Variants in WDFY3 observed in about 807,000 individuals in gnomAD.
WDFY3 encodes the protein WD repeat and FYVE domain-containing protein 3.
WDFY3 carries 66 observed loss-of-function variants against 409.6 expected under a neutral mutation model. The ratio of observed to expected loss-of-function variants is 0.16; its 90% CI spans 0.13 to 0.20. WDFY3 has a LOEUF of 0.20. WDFY3 is among the 10% of genes least tolerant of loss of function. WDFY3 has a pLI of 1.00. For missense variants in WDFY3, 3,031 were observed against 4,298.1 expected, an observed-to-expected ratio of 0.71 and a Z score of 8.24; for synonymous variants, 1,521 against 1,537.1, an observed-to-expected ratio of 0.99 and a Z score of 0.25.
rs1330545064 is a variant in WDFY3, at chr4:84,849,737, C to A, written c.304+165G>T. The A allele has an allele frequency of 8.4e-6, 8 of 956,802 alleles. No homozygotes were observed. In the African/African-American group the frequency reaches 8.4e-5, roughly 10 times the overall value. 59.3% of individuals were successfully genotyped at this position (956,802 alleles called of 1,614,324 possible). On this transcript the variant is annotated intron_variant, in intron 5 of 67. Coordinates refer to ENST00000295888, the MANE Select transcript of WDFY3 (RefSeq NM_014991.6). The stretch of plus-strand genomic sequence containing the variant: ...CAGAACTACTGGAGAGTTGAAGATG[C>A]TGAAACCAGGAAAAGAATGTGACTC...
chr4:84,675,892 G>GA (rs1726202917), intron 67 of WDFY3, among the ~76,000 whole-genome samples: 2 of 152,004 alleles, frequency 1.3e-5, no homozygotes. Flanking sequence ...TCATATGGGG[G>GA]AAAAATAGAT....
Position 84,682,488 on chromosome 4 carries a change from C to A in WDFY3, c.9727-18G>T. The A allele has an allele frequency of 6.2e-7, 1 of 1,602,786 alleles. No homozygotes were observed. Among genetic ancestry groups the A allele is most frequent in the South Asian group, 1.1e-5 (1 of 90,048 alleles). ...CTCCAAAACTAAATTTAAATAAGTA[C>A]AAAAATTAAAAAGTTAAGAAACAGA... On this transcript the variant is annotated intron_variant, in intron 63 of 67. Transcript: ENST00000295888.
intron 56 of WDFY3, among the ~76,000 whole-genome samples, chr4:84,701,932 T>C (rs941256956): frequency 4.6e-5 from 7 of 152,218 alleles, no homozygotes; most frequent in African/African-American, 1.2e-4. Flanking sequence ...TGGGTTTCAA[T>C]AGTAATACTT....
intron 32 of WDFY3, among the ~76,000 whole-genome samples, chr4:84,758,442 C>T (rs764038645): frequency 3.9e-5 from 6 of 152,074 alleles, no homozygotes; most frequent in Middle Eastern, 3.2e-3. Flanking sequence ...GAGACAAGGT[C>T]TTGCTATGTT....
chr4:84,710,439 TA>T lies in WDFY3; in HGVS notation c.8043-1093del, dbSNP rs1732692812. ...TATTTAAGGTTTATCAGCTTTATAA[TA>T]TTGATAATTAATAATTGGTCATGGA... On this transcript the variant is annotated intron_variant, in intron 51 of 67. Transcript: ENST00000295888. Among the ~76,000 whole-genome samples, 3 of 152,336 alleles carry T rather than the reference TA, an allele frequency of 2.0e-5. No individual in the cohort carries two copies. In the South Asian group the frequency reaches 6.2e-4, roughly 32 times the overall value.
chr4:84,847,288 C>T (rs991654267), intron 5 of WDFY3, among the ~76,000 whole-genome samples: 13 of 152,160 alleles, frequency 8.5e-5, no homozygotes, highest in African/African-American at 2.9e-4. Flanking sequence ...CCCACAGCTG[C>T]AAGCTTCACA....
At position 84,829,030 on chromosome 4, in the gene WDFY3, A is replaced by G; in HGVS notation, c.930T>C (p.Tyr310=). Residue 310 remains tyrosine (Y), a synonymous_variant, in exon 9 of 68, where the codon TAT becomes TAC. Transcript: ENST00000295888. ...LLDDFRIWQG[Y]NFLCDLLLRL... ...TAAGCAAGAGATCACAAAGAAAATT[A>G]TATCCTTGCCATATCCGAAAATCAT... is the stretch of plus-strand genomic sequence containing the variant. 6.2e-7 allele frequency: 1 copy of G among 1,612,452 alleles called. No individual in the cohort carries two copies. Among genetic ancestry groups the G allele is most frequent in the African/African-American group, 1.3e-5 (1 of 74,948 alleles).
rs554842743 is a variant in WDFY3, at chr4:84,762,878, G to A, written c.5188+2932C>T. On this transcript the variant is annotated intron_variant, in intron 32 of 67. Transcript: ENST00000295888. The stretch of plus-strand genomic sequence containing the variant: ...AGGCATCTCAGCTACTCAGGAGGCT[G>A]AGATGGGAGGACTGCTTGAGCCCAG... Among the ~76,000 whole-genome samples the A allele has an allele frequency of 2.4e-4, 36 of 152,252 alleles. 1 individual carries two copies. The highest frequency in any genetic ancestry group is 1.4e-3 in the Admixed American group (21 of 15,288).
At chr4:84,928,476 A>G (rs2150934591) in intron 2 of WDFY3, among the ~76,000 whole-genome samples, 1 of 152,236 alleles carries the variant, frequency 6.6e-6, no homozygotes, top group African/African-American at 2.4e-5. Context: ...TATATATTCA[A>G]TCGATAGCCT....
chr4:84,834,704 ACT>A (rs948634208), intron 7 of WDFY3, among the ~76,000 whole-genome samples: 36 of 152,194 alleles, frequency 2.4e-4, no homozygotes, highest in African/African-American at 8.7e-4. Context: ...ATTTGTAAGA[ACT>A]CTGTTACAAA....
chr4:84,881,272 T>C (rs1030101995), intron 3 of WDFY3, among the ~76,000 whole-genome samples: 1 of 152,286 alleles, frequency 6.6e-6, no homozygotes, highest in Non-Finnish European at 1.5e-5. Context: ...TTGTGGTTAT[T>C]TGATAGCAAA....
chr4:84,947,235 G>A (rs1379566234), intron 1 of WDFY3, among the ~76,000 whole-genome samples: 2 of 151,534 alleles, frequency 1.3e-5, no homozygotes, highest in African/African-American at 4.8e-5. Context: ...GCTAGGGGCC[G>A]GGCACAGTGA....
At chr4:84,767,359 C>T (rs1348256264) in intron 30 of WDFY3, among the ~76,000 whole-genome samples, 8 of 152,068 alleles carry the variant, frequency 5.3e-5, no homozygotes, top group African/African-American at 1.7e-4. Flanking sequence ...TCAGGCCTCC[C>T]TATTCCCTGA....
At chr4:84,888,270 T>C (rs1238135376) in intron 3 of WDFY3, among the ~76,000 whole-genome samples, 1 of 152,190 alleles carries the variant, frequency 6.6e-6, no homozygotes, top group Non-Finnish European at 1.5e-5. Flanking sequence ...GTAGTCATGG[T>C]GGCTCGTGCC....
chr4:84,685,004 A>G (rs1728060933), intron 62 of WDFY3, among the ~76,000 whole-genome samples: 1 of 152,214 alleles, frequency 6.6e-6, no homozygotes, highest in African/African-American at 2.4e-5. Flanking sequence ...GGGGCAAAGA[A>G]TTTAAGTAAC....
At chr4:84,755,201 A>G in intron 34 of WDFY3, 65 bp downstream of exon 34, 1 of 1,579,322 alleles carries the variant, frequency 6.3e-7, no homozygotes, top group East Asian at 2.2e-5. Context: ...AAATTCCTCT[A>G]TTTACAAAAA....
At position 84,761,307 on chromosome 4, in the gene WDFY3, A is replaced by G. The variant is rs1742551817; in HGVS notation, c.5189-4146T>C. On this transcript the variant is annotated intron_variant, in intron 32 of 67. Coordinates refer to ENST00000295888, the MANE Select transcript of WDFY3 (RefSeq NM_014991.6). ...GTTGATTTGGGGTGGAGAGTTCTGT[A>G]GATGTCTATTAGGTCTGCTTGGTGC... Among the ~76,000 whole-genome samples, 5 of 152,246 alleles carry G rather than the reference A, an allele frequency of 3.3e-5. No homozygotes were observed. In the South Asian group the frequency reaches 8.3e-4, roughly 25 times the overall value.
Position 84,825,247 on chromosome 4 carries a change from T to A in WDFY3, c.1123+1568A>T, listed in dbSNP as rs559333891. The stretch of plus-strand genomic sequence containing the variant: ...AACCAAATGAAACAACAATAAAGTA[T>A]AAAATAGGAAGTACATTGCTGCAAT... On this transcript the variant is annotated intron_variant, in intron 10 of 67. Transcript: ENST00000295888. Among the ~76,000 whole-genome samples, 18 of 152,048 alleles carry A rather than the reference T, an allele frequency of 1.2e-4. 1 individual carries two copies. Among genetic ancestry groups the A allele is most frequent in the Middle Eastern group, 3.4e-3 (1 of 294 alleles).
chr4:84,845,778 GA>G (rs931587257), intron 5 of WDFY3, among the ~76,000 whole-genome samples: 1 of 150,588 alleles, frequency 6.6e-6, no homozygotes, highest in East Asian at 1.9e-4. Flanking sequence ...AAAAATGAAA[GA>G]AAAAAAACAA....
Sources: gnomAD v4.1 joint callset for allele counts (sites outside exome capture counted in the v4.1 genomes callset) on GRCh38, gnomAD v4.1.1 for gene constraint, MANE v1.5 for transcripts, NCBI Gene and HGNC (gene_info 2026-07-23, HGNC 2026-07-21) for gene names.